The following RALGAPA1 variants were observed in gnomAD, a reference collection of about 807,000 sequenced individuals.
The protein encoded by RALGAPA1 is ral GTPase-activating protein subunit alpha-1.
Under a neutral mutation model 269.6 loss-of-function variants are expected in RALGAPA1, and 52 were observed. That is an observed-to-expected ratio of 0.19 (90% CI 0.15 to 0.24). The LOEUF (loss-of-function observed/expected upper bound fraction) is 0.24, where lower values mean the gene tolerates loss of function less well. RALGAPA1 is among the 10% of genes least tolerant of loss of function. The probability of loss-of-function intolerance (pLI) is 1.00; values close to 1 mark genes in which losing one functional copy is unlikely to be tolerated. For synonymous variants in RALGAPA1, 817 were observed against 1,008.3 expected (o/e 0.81, Z 3.60); for missense variants, 1,917 against 3,013.9 (o/e 0.64, Z 8.52).
intron 18 of RALGAPA1, among the ~76,000 whole-genome samples, chr14:35,687,208 C>A (rs1487624655): frequency 6.6e-6 from 1 of 152,018 alleles, no homozygotes; most frequent in Non-Finnish European, 1.5e-5. Context: ...GTTTTTCTTA[C>A]CAAAAAAACC....
At chr14:35,584,641 T>C (rs2058162759) in intron 37 of RALGAPA1, among the ~76,000 whole-genome samples, 1 of 151,866 alleles carries the variant, frequency 6.6e-6, no homozygotes. Context: ...CAGCAATCAC[T>C]AAAAAGTTAA....
At chr14:35,788,944 C>T (rs533903899) in intron 1 of RALGAPA1, among the ~76,000 whole-genome samples, 1 of 152,188 alleles carries the variant, frequency 6.6e-6, no homozygotes, top group South Asian at 2.1e-4. Context: ...CATTCATGAA[C>T]TAAATAATAT....
In RALGAPA1 at chr14:35,732,341, C is replaced by CA. The variant is rs113771684; in HGVS notation, c.1588-3832dup. On this transcript the variant is annotated intron_variant, in intron 12 of 41. Coordinates refer to ENST00000680220, the MANE Select transcript of RALGAPA1 (RefSeq NM_001346249.2). ...AAAAATACGATTTAAAAATCGAAAACAAAAAAAAAAAACCAAGGTACACAG... is the reference window on the plus strand; with the variant it reads ...AAAAATACGATTTAAAAATCGAAAACAAAAAAAAAAAAACCAAGGTACACAG... Among the ~76,000 whole-genome samples, 386 of 133,926 alleles carry CA rather than the reference C, an allele frequency of 2.9e-3. 2 individuals carry two copies. Among genetic ancestry groups the CA allele is most frequent in the African/African-American group, 5.5e-3 (200 of 36,576 alleles). 87.9% of individuals were successfully genotyped at this position (133,926 alleles called of 152,430 possible). A position where few individuals can be genotyped will look rare whatever the true frequency, so the allele number is the denominator to read the frequency against.
At chr14:35,644,816 GTGACGGGT>G (rs1295646648) in intron 31 of RALGAPA1, among the ~76,000 whole-genome samples, 1 of 152,112 alleles carries the variant, frequency 6.6e-6, no homozygotes, top group East Asian at 1.9e-4. Context: ...AATGCATGTG[GTGACGGGT>G]TGACAGGTGC....
intron 35 of RALGAPA1, among the ~76,000 whole-genome samples, chr14:35,620,276 T>C (rs1404086315): frequency 3.3e-5 from 5 of 152,110 alleles, no homozygotes; most frequent in Admixed American, 6.6e-5. Context: ...ATTATCTTAA[T>C]AGATGCAGAA....
intron 12 of RALGAPA1, among the ~76,000 whole-genome samples, chr14:35,737,209 T>A (rs972507660): frequency 1.4e-4 from 21 of 152,002 alleles, no homozygotes; most frequent in Non-Finnish European, 2.6e-4. Flanking sequence ...AACTTTTTTT[T>A]AAAAATGAGA....
In RALGAPA1 at chr14:35,752,035, T is replaced by C. The variant is rs754833981; in HGVS notation, c.791A>G (p.His264Arg). 14 of 1,580,938 alleles carry C rather than the reference T, an allele frequency of 8.9e-6. No individual in the cohort carries two copies. The Admixed American group carries it at 2.5e-4, about 28-fold the overall frequency. ...PNICKENSLY[H>R]PILDIPQMRP... The stretch of plus-strand genomic sequence containing the variant: ...CAAACATTACCTACCAAGTATAGGA[T>C]GATATAAACTGTTTTCCTTACAGAT... Residue 264 changes from histidine to arginine, a missense_variant, in exon 8 of 42, where the codon CAT becomes CGT. By Grantham distance (29) the His-to-Arg change is conservative (BLOSUM62 0). Around this residue, in one of 11 missense-constraint regions of RALGAPA1, gnomAD observed 462 missense variants for 725.6 expected, o/e 0.64. Transcript: ENST00000680220.
rs180725756 is a variant in RALGAPA1 at position 35,607,025 on chromosome 14, G to C, written c.6930-1316C>G. ...GTAAAATATGATTTGGGGTTGGGTA[G>C]ACTTCCAAAGCTGCAGAATAAGGGT... On this transcript the variant is annotated intron_variant, in intron 35 of 41. Transcript: ENST00000680220. 2.3e-3 allele frequency among the ~76,000 whole-genome samples: 352 copies of C among 152,284 alleles called. 3 individuals are homozygous for C. The highest frequency in any genetic ancestry group is 6.8e-3 in the Admixed American group (104 of 15,294).
chr14:35,541,665 C>CAGT, intron 41 of RALGAPA1: 1 of 452,052 alleles, frequency 2.2e-6, no homozygotes, highest in South Asian at 1.6e-5. Flanking sequence ...AAGTGAAGAG[C>CAGT]AGTAGTAGCT....
At chr14:35,776,271 C>T (rs969380775) in intron 1 of RALGAPA1, among the ~76,000 whole-genome samples, 2 of 151,850 alleles carry the variant, frequency 1.3e-5, no homozygotes, top group African/African-American at 4.8e-5. Context: ...ATCCCAGCTA[C>T]TTGGGAGGCT....
chr14:35,603,946 T>C (rs2059432564), intron 36 of RALGAPA1, among the ~76,000 whole-genome samples: 1 of 152,104 alleles, frequency 6.6e-6, no homozygotes, highest in Non-Finnish European at 1.5e-5. Context: ...CACATTAGCA[T>C]GACTGTAGTT....
chr14:35,708,078 T>A (rs1233862403), intron 16 of RALGAPA1, among the ~76,000 whole-genome samples: 1 of 152,124 alleles, frequency 6.6e-6, no homozygotes, highest in Non-Finnish European at 1.5e-5. Context: ...AGAATGAAAC[T>A]AGATCCCTTT....
intron 41 of RALGAPA1, among the ~76,000 whole-genome samples, chr14:35,546,902 G>T (rs1358193793): frequency 6.6e-6 from 1 of 151,950 alleles, no homozygotes; most frequent in Non-Finnish European, 1.5e-5. Context: ...TTATTTTTCA[G>T]ATTCTATGTT....
intron 35 of RALGAPA1, among the ~76,000 whole-genome samples, chr14:35,619,915 G>A (rs917837706): frequency 1.3e-5 from 2 of 152,082 alleles, no homozygotes; most frequent in Non-Finnish European, 2.9e-5. Context: ...AGGACCAGAC[G>A]GATTCACAGC....
Position 35,761,109 on chromosome 14 carries a change from C to T in RALGAPA1, c.370-103G>A, listed in dbSNP as rs967766989. 2.8e-5 allele frequency: 22 copies of T among 792,336 alleles called. No individual in the cohort carries two copies. In the East Asian group the frequency reaches 3.0e-4, roughly 11 times the overall value. 49.1% of individuals were successfully genotyped at this position (792,336 alleles called of 1,614,324 possible). ...GATGATGACAACAGAATGATACTTT[C>T]GAGAGGCAGGGTAGGGAAGGAAGGG... On this transcript the variant is annotated intron_variant, in intron 5 of 41. Transcript: ENST00000680220.
chr14:35,549,083 G>A, intron 40 of RALGAPA1, 27 bp downstream of exon 40: 1 of 1,607,272 alleles, frequency 6.2e-7, no homozygotes, highest in South Asian at 1.1e-5. Flanking sequence ...CCAATAACAA[G>A]TAACTAATAC....
At chr14:35,728,305 A>T in intron 13 of RALGAPA1, 57 bp downstream of exon 13, 2 of 1,366,304 alleles carry the variant, frequency 1.5e-6, no homozygotes, top group Non-Finnish European at 1.9e-6. Flanking sequence ...TCTAAAAATT[A>T]CTATACCTGT....
chr14:35,794,685 T>C (rs1402641410), intron 1 of RALGAPA1, among the ~76,000 whole-genome samples: 2 of 152,190 alleles, frequency 1.3e-5, no homozygotes, highest in Admixed American at 6.5e-5. Flanking sequence ...TCTCATCTCC[T>C]GACCTCGTGA....
At chr14:35,559,072 T>C (rs979297136) in intron 39 of RALGAPA1, among the ~76,000 whole-genome samples, 11 of 152,128 alleles carry the variant, frequency 7.2e-5, no homozygotes, top group Non-Finnish European at 1.3e-4. Context: ...TTCTTTACAA[T>C]TGGCATGAAC....
Sources: gnomAD v4.1 joint callset for allele counts (sites outside exome capture counted in the v4.1 genomes callset) on GRCh38, gnomAD v4.1.1 for gene constraint, gnomAD v4.1.1 regional missense constraint, MANE v1.5 for transcripts, NCBI Gene and HGNC (gene_info 2026-07-23, HGNC 2026-07-21) for gene names.